Variants in SRSF11 observed in about 807,000 individuals in gnomAD.
SRSF11 encodes serine and arginine rich splicing factor 11.
SRSF11 carries 9 observed loss-of-function variants against 56.0 expected under a neutral mutation model. The ratio of observed to expected loss-of-function variants is 0.16; its 90% CI spans 0.10 to 0.28. The LOEUF (loss-of-function observed/expected upper bound fraction) is 0.28, where lower values mean the gene tolerates loss of function less well. Among genes scored for constraint, SRSF11 ranks in the 10% least tolerant of loss-of-function variants. The pLI is 1.00. For synonymous variants in SRSF11, 222 were observed against 215.3 expected (o/e 1.03, Z -0.27); for missense variants, 421 against 600.7 (o/e 0.70, Z 3.13).
upstream of SRSF11, among the ~76,000 whole-genome samples, chr1:70,219,903 G>T (rs1670361174): frequency 6.6e-6 from 1 of 152,196 alleles, no homozygotes; most frequent in South Asian, 2.1e-4. Context: ...GTGCCAAGAG[G>T]TATTCACTAA....
rs1473105433 is a variant in SRSF11, at chr1:70,244,618, C to G, written c.801-66C>G. ...ATATGTCCGAATCTTTTGTCTGATA[C>G]TAAGCACAAAATTTATAGTCTTTTT... On this transcript the variant is annotated intron_variant, in intron 7 of 11. Transcript: ENST00000370949. The G allele has an allele frequency of 2.3e-5, 35 of 1,544,378 alleles. No homozygotes were observed. The Admixed American group carries it at 6.3e-4, about 28-fold the overall frequency.
At chr1:70,231,678 T>G (rs763518200) in intron 2 of SRSF11, 2 of 1,180,406 alleles carry the variant, frequency 1.7e-6, no homozygotes, top group Non-Finnish European at 2.1e-6. Flanking sequence ...TTTTCATGAG[T>G]CAGCAAAAGC....
intron 1 of SRSF11, among the ~76,000 whole-genome samples, chr1:70,214,743 A>G (rs1269699081): frequency 6.6e-6 from 1 of 152,000 alleles, no homozygotes; most frequent in Non-Finnish European, 1.5e-5. Flanking sequence ...TCTCCCCTTC[A>G]TTTAGGTGAA....
intron 1 of SRSF11, among the ~76,000 whole-genome samples, chr1:70,215,903 G>T (rs962337701): frequency 6.6e-6 from 1 of 152,054 alleles, no homozygotes; most frequent in Non-Finnish European, 1.5e-5. Flanking sequence ...CCTCCTCGAG[G>T]AGCCTCCCAA....
At chr1:70,214,672 T>C (rs776486221) in intron 1 of SRSF11, among the ~76,000 whole-genome samples, 5 of 152,170 alleles carry the variant, frequency 3.3e-5, no homozygotes, top group Non-Finnish European at 7.4e-5. Context: ...TGTCCTGGTA[T>C]GTGTGTCCAT....
rs567816536 is a variant in SRSF11 at position 70,230,849 on chromosome 1, A to G, written c.338-1419A>G. On this transcript the variant is annotated intron_variant, in intron 2 of 11. Coordinates refer to ENST00000370949, the MANE Select transcript of SRSF11 (RefSeq NM_001350605.2). ...CTCTTGAGACATAATTTTGCATGCA[A>G]AATTATCCCATAATCTTTGTAGGTT... 2.0e-5 allele frequency: 24 copies of G among 1,175,590 alleles called. No individual in the cohort carries two copies. The African/African-American group carries it at 2.4e-4, about 12-fold the overall frequency. The allele number at this position is 1,175,590 out of a possible 1,614,324, so 72.8% of individuals were successfully genotyped here.
rs1673784648 is a variant in SRSF11 at position 70,235,559 on chromosome 1, T to C, written c.590+9T>C. On this transcript the variant is annotated intron_variant, in intron 5 of 11. Transcript: ENST00000370949. ...AGTACTGTTGATCCCAAGTAAGCGT[T>C]TTTTCTTTGTTTTCATTGGTGATGT... The C allele has an allele frequency of 1.9e-6, 3 of 1,609,116 alleles. No homozygotes were observed. The Admixed American group carries it at 5.1e-5, about 27-fold the overall frequency.
At chr1:70,232,090 G>C in intron 2 of SRSF11, 178 bp from the exon 3 acceptor site, 1 of 1,544,190 alleles carries the variant, frequency 6.5e-7, no homozygotes, top group Non-Finnish European at 8.7e-7. Context: ...ACACATTGAA[G>C]TTCATTCTGA....
Position 70,249,937 on chromosome 1 carries a change from C to T in SRSF11, c.1023-15C>T. On this transcript the variant is annotated splice_polypyrimidine_tract_variant and intron_variant, in intron 9 of 11. Transcript: ENST00000370949. ...ACTGTATTTTAAAACCTAGTTTGCA[C>T]ATTTGTGATTCTAGAGAGAGACGAC... 6.2e-7 allele frequency: 1 copy of T among 1,613,438 alleles called. No individual in the cohort carries two copies. The highest frequency in any genetic ancestry group is 8.5e-7 in the Non-Finnish European group (1 of 1,179,488).
upstream of SRSF11, chr1:70,218,953 TA>T (rs1264248633): frequency 6.6e-6 from 1 of 152,220 alleles, no homozygotes; most frequent in Admixed American, 6.5e-5. Flanking sequence ...AAATACAGTA[TA>T]AAAGCTATTT....
chr1:70,221,255 C>A (rs1373244312), upstream of SRSF11: 1 of 230,098 alleles, frequency 4.3e-6, no homozygotes, highest in Non-Finnish European at 8.4e-6. Context: ...GTGGATAACA[C>A]CTTTCTCTAG....
intron 5 of SRSF11, among the ~76,000 whole-genome samples, chr1:70,236,892 A>G (rs902001398): frequency 6.9e-6 from 1 of 145,044 alleles, no homozygotes; most frequent in Non-Finnish European, 1.5e-5. Context: ...GGTTCAAGCA[A>G]TTCTGCTGTC....
At chr1:70,216,076 G>A (rs993465243) in intron 1 of SRSF11, among the ~76,000 whole-genome samples, 12 of 152,040 alleles carry the variant, frequency 7.9e-5, no homozygotes, top group African/African-American at 2.7e-4. Context: ...GTGAGCCACC[G>A]TGCGTGGCCT....
At chr1:70,249,460 T>A (rs901935896) in intron 9 of SRSF11, 5 of 152,098 alleles carry the variant, frequency 3.3e-5, no homozygotes, top group African/African-American at 1.2e-4. Context: ...AAATTAGGAG[T>A]TTTCTTGAGG....
chr1:70,250,101 T>G, intron 10 of SRSF11, 54 bp downstream of exon 10: 1 of 1,498,724 alleles, frequency 6.7e-7, no homozygotes, highest in South Asian at 1.2e-5. Context: ...AGGTTTTTCA[T>G]TTTAAAACTG....
Position 70,237,527 on chromosome 1 carries a change from C to T in SRSF11, c.693C>T (p.Ser231=). 1.9e-6 allele frequency: 3 copies of T among 1,613,344 alleles called. No individual in the cohort carries two copies. The highest frequency in any genetic ancestry group is 3.3e-5 in the Admixed American group (2 of 59,864). The change falls in exon 6 of 12, where the codon TCC becomes TCT. Residue 231 remains serine (S), a synonymous_variant. Transcript: ENST00000370949. ...EAMKRVREAQ[S]LISAAIEPDK... ...TGAAAAGAGTACGAGAAGCACAGTC[C>T]CTAATTTCTGCTGCTATAGAACCAG...
chr1:70,246,276 T>G (rs1676740346), intron 8 of SRSF11, among the ~76,000 whole-genome samples: 1 of 151,790 alleles, frequency 6.6e-6, no homozygotes, highest in Non-Finnish European at 1.5e-5. Context: ...AAAAAAAAAT[T>G]GAGTTACGGC....
At chr1:70,212,498 C>T (rs1431341767) in intron 1 of SRSF11, among the ~76,000 whole-genome samples, 5 of 152,134 alleles carry the variant, frequency 3.3e-5, no homozygotes, top group African/African-American at 1.2e-4. Flanking sequence ...CTCAGGTGAT[C>T]CACCCACCTT....
chr1:70,220,585 C>G (rs915637725), upstream of SRSF11, among the ~76,000 whole-genome samples: 1 of 152,134 alleles, frequency 6.6e-6, no homozygotes, highest in Non-Finnish European at 1.5e-5. Context: ...CAGTGGCTCA[C>G]GCGCCTGTAA....
Sources: gnomAD v4.1 joint callset for allele counts (sites outside exome capture counted in the v4.1 genomes callset) on GRCh38, gnomAD v4.1.1 for gene constraint, MANE v1.5 for transcripts, NCBI Gene and HGNC (gene_info 2026-07-23, HGNC 2026-07-21) for gene names.